HLCS: variants seen among roughly 807,000 people sequenced by gnomAD.
HLCS encodes the protein biotin--protein ligase.
HLCS carries 53 observed loss-of-function variants against 75.0 expected under a neutral mutation model. The observed-to-expected ratio is 0.71, with a 90% CI of 0.57 to 0.89. HLCS has a LOEUF of 0.89. Ranked by LOEUF, HLCS falls within the 40% of genes least tolerant of loss-of-function variation. The probability of loss-of-function intolerance (pLI) is 0.00; values close to 1 mark genes in which losing one functional copy is unlikely to be tolerated. For missense variants in HLCS, 966 were observed against 1,074.0 expected (o/e 0.90, Z 1.41); for synonymous variants, 431 against 428.6 (o/e 1.01, Z -0.07).
intron 2 of HLCS, among the ~76,000 whole-genome samples, chr21:36,945,857 T>C (rs1464519339): frequency 6.6e-6 from 1 of 152,240 alleles, no homozygotes; most frequent in Admixed American, 6.5e-5. Flanking sequence ...GGCAGTTTGT[T>C]TGTCTCTACA....
intron 6 of HLCS, among the ~76,000 whole-genome samples, chr21:36,889,937 C>A (rs908758770): frequency 6.6e-6 from 1 of 152,184 alleles, no homozygotes; most frequent in Admixed American, 6.5e-5. Context: ...TCCCTGTAAT[C>A]CCCATAATCC....
In HLCS at chr21:36,750,130, G is replaced by A. The variant is rs1461390660; in HGVS notation, c.*4116C>T. ...TTGTGACCTCCATCTTGAAGAGTCT[G>A]CACATTTAAGCTGGGGATAGCGTTT... is the stretch of plus-strand genomic sequence containing the variant. On this transcript the variant is annotated 3_prime_UTR_variant, in exon 11 of 11. Coordinates refer to ENST00000674895, the MANE Select transcript of HLCS (RefSeq NM_001352514.2). Among the ~76,000 whole-genome samples, 1 of 152,206 alleles carries A rather than the reference G, an allele frequency of 6.6e-6. No individual in the cohort carries two copies. The highest frequency in any genetic ancestry group is 1.5e-5 in the Non-Finnish European group (1 of 68,036).
upstream of HLCS, among the ~76,000 whole-genome samples, chr21:36,970,864 G>C (rs2068767782): frequency 6.6e-6 from 1 of 151,864 alleles, no homozygotes; most frequent in Admixed American, 6.6e-5. Context: ...CGTGGTGGCG[G>C]GCGCCTGTAA....
At chr21:36,870,687 A>G (rs1243902207) in intron 6 of HLCS, among the ~76,000 whole-genome samples, 1 of 152,242 alleles carries the variant, frequency 6.6e-6, no homozygotes, top group Non-Finnish European at 1.5e-5. Flanking sequence ...ATGACAAAAC[A>G]TCACATGAGG....
In HLCS at chr21:36,810,010, C is replaced by T. The variant is rs182647471; in HGVS notation, c.1893-42725G>A. On this transcript the variant is annotated intron_variant, in intron 6 of 10. Coordinates refer to ENST00000674895, the MANE Select transcript of HLCS (RefSeq NM_001352514.2). ...TGCCCACCCCAGCTTCCCAAAGTGT[C>T]GGGATTACAGGCGTGAGCCGTGGCA... is the stretch of plus-strand genomic sequence containing the variant. Among the ~76,000 whole-genome samples, 125 of 152,302 alleles carry T rather than the reference C, an allele frequency of 8.2e-4. 1 individual carries two copies. The highest frequency in any genetic ancestry group is 1.6e-3 in the Admixed American group (25 of 15,306).
At chr21:36,918,345 G>C (rs1360770127) in intron 5 of HLCS, among the ~76,000 whole-genome samples, 1 of 152,212 alleles carries the variant, frequency 6.6e-6, no homozygotes, top group Admixed American at 6.5e-5. Context: ...CATTTCACTG[G>C]ATATAAATAG....
At chr21:36,947,719 A>T in intron 2 of HLCS, 1 of 985,442 alleles carries the variant, frequency 1.0e-6, no homozygotes, top group Non-Finnish European at 1.2e-6. Flanking sequence ...CTCAACTTAA[A>T]ACTCACATCC....
chr21:36,883,731 C>A (rs1367038253), intron 6 of HLCS, among the ~76,000 whole-genome samples: 3 of 152,200 alleles, frequency 2.0e-5, no homozygotes, highest in Non-Finnish European at 4.4e-5. Flanking sequence ...CTCTTGGTGG[C>A]CACCCCACTC....
intron 5 of HLCS, among the ~76,000 whole-genome samples, chr21:36,906,390 T>C (rs1390194673): frequency 6.6e-6 from 1 of 152,204 alleles, no homozygotes; most frequent in African/African-American, 2.4e-5. Flanking sequence ...TTTAATTAGC[T>C]GGGTGTGGTG....
intron 6 of HLCS, among the ~76,000 whole-genome samples, chr21:36,796,349 A>G (rs1351288934): frequency 6.6e-6 from 1 of 152,230 alleles, no homozygotes; most frequent in African/African-American, 2.4e-5. Context: ...GAGGAAAATC[A>G]CATGATTTTC....
intron 6 of HLCS, among the ~76,000 whole-genome samples, chr21:36,837,044 G>A (rs1191759660): frequency 3.9e-5 from 6 of 152,136 alleles, no homozygotes; most frequent in African/African-American, 1.2e-4. Context: ...TTAGCCAGGC[G>A]TGGTGGCATG....
chr21:36,772,214 ATTTTT>A (rs778761372), intron 6 of HLCS, among the ~76,000 whole-genome samples: 1 of 152,088 alleles, frequency 6.6e-6, no homozygotes, highest in East Asian at 1.9e-4. Context: ...ATAATTAAAA[ATTTTT>A]TATTTTGGAG....
At chr21:36,756,273 C>T (rs1359337059) in intron 10 of HLCS, among the ~76,000 whole-genome samples, 1 of 149,950 alleles carries the variant, frequency 6.7e-6, no homozygotes, top group Admixed American at 6.6e-5. Context: ...CCCACCTCCA[C>T]TAAAAATACA....
chr21:36,898,960 C>T (rs2065127304), intron 5 of HLCS, among the ~76,000 whole-genome samples: 1 of 151,942 alleles, frequency 6.6e-6, no homozygotes, highest in Admixed American at 6.6e-5. Context: ...ACTCAGGTGG[C>T]AGCGGTGGAA....
intron 6 of HLCS, among the ~76,000 whole-genome samples, chr21:36,869,105 T>A (rs117255280): frequency 9.2e-4 from 27 of 29,238 alleles, no homozygotes; most frequent in African/African-American, 7.2e-3. Context: ...TTAATTTATT[T>A]ATTTATTTAT....
intron 6 of HLCS, among the ~76,000 whole-genome samples, chr21:36,892,568 T>C (rs1316636939): frequency 2.0e-5 from 3 of 152,110 alleles, no homozygotes; most frequent in Non-Finnish European, 4.4e-5. Context: ...TGGAAGGAAA[T>C]GAATGTCATA....
At chr21:36,963,029 A>C (rs2068387656) in intron 1 of HLCS, among the ~76,000 whole-genome samples, 1 of 152,218 alleles carries the variant, frequency 6.6e-6, no homozygotes, top group Admixed American at 6.5e-5. Flanking sequence ...TTAAATCCAG[A>C]GAGAAAAGCT....
intron 6 of HLCS, among the ~76,000 whole-genome samples, chr21:36,893,923 T>C (rs1221741756): frequency 2.0e-5 from 3 of 152,258 alleles, no homozygotes; most frequent in African/African-American, 7.2e-5. Context: ...CTATTATTAC[T>C]ATCACAAATA....
chr21:36,868,274 G>GAAA (rs2063636299), intron 6 of HLCS, among the ~76,000 whole-genome samples: 2 of 135,358 alleles, frequency 1.5e-5, no homozygotes, highest in African/African-American at 6.2e-5. Context: ...AAGGAAGGAA[G>GAAA]GAAAGAAAGA....
Sources: gnomAD v4.1 joint callset for allele counts (sites outside exome capture counted in the v4.1 genomes callset) on GRCh38, gnomAD v4.1.1 for gene constraint, MANE v1.5 for transcripts, NCBI Gene and HGNC (gene_info 2026-07-23, HGNC 2026-07-21) for gene names.